Variants in CHFR observed in about 807,000 individuals in gnomAD.
CHFR encodes the protein E3 ubiquitin-protein ligase CHFR.
A neutral mutation model predicts 87.6 loss-of-function variants in CHFR; 57 were observed. That is an observed-to-expected ratio of 0.65 (90% confidence interval 0.53 to 0.81). The LOEUF (loss-of-function observed/expected upper bound fraction) is 0.81, where lower values mean the gene tolerates loss of function less well. Among genes scored for constraint, CHFR ranks in the 30% least tolerant of loss-of-function variants. The pLI is 0.00. For synonymous variants in CHFR, 381 were observed against 359.2 expected, an observed-to-expected ratio of 1.06 and a Z score of -0.69; for missense variants, 797 against 865.8, an observed-to-expected ratio of 0.92 and a Z score of 1.00.
At chr12:132,875,500 G>A (rs1420382493) in intron 3 of CHFR, among the ~76,000 whole-genome samples, 2 of 152,140 alleles carry the variant, frequency 1.3e-5, no homozygotes, top group African/African-American at 2.4e-5. Flanking sequence ...GCGGGCACCT[G>A]TAATCCCAGC....
At chr12:132,856,172 G>C (rs1451321662) in intron 10 of CHFR, among the ~76,000 whole-genome samples, 1 of 152,250 alleles carries the variant, frequency 6.6e-6, no homozygotes, top group South Asian at 2.1e-4. Context: ...TCGAAGCAAA[G>C]GGAAGGGTGT....
intron 2 of CHFR, among the ~76,000 whole-genome samples, chr12:132,885,419 T>TATAAATAAATAA (rs141735852): frequency 1.2e-4 from 18 of 146,622 alleles, no homozygotes; most frequent in South Asian, 6.5e-4. Context: ...TCAAAAAATA[T>TATAAATAAATAA]ATAAATAAAT....
intron 11 of CHFR, 140 bp from the exon 12 acceptor site, chr12:132,851,877 A>T (rs1490828143): frequency 4.1e-6 from 4 of 971,950 alleles, no homozygotes; most frequent in African/African-American, 1.7e-5. Flanking sequence ...CTGCTAAACC[A>T]CCGGGGACCT....
chr12:132,873,745 G>A (rs11147128), intron 3 of CHFR, among the ~76,000 whole-genome samples: 21,972 of 149,718 alleles, frequency 0.15, 1,889 homozygotes, highest in South Asian at 0.22. Flanking sequence ...GCTAGAGTGT[G>A]CACGGACTTG....
At chr12:132,847,662 A>C (rs754094845) in intron 14 of CHFR, 22 of 1,095,386 alleles carry the variant, frequency 2.0e-5, no homozygotes, top group Non-Finnish European at 2.3e-5. Flanking sequence ...CGCATGTTAA[A>C]CATATGTAAA....
rs1206923715 is a variant in CHFR, at chr12:132,840,890, G to T, written c.*664C>A. 6.6e-6 allele frequency: 1 copy of T among 152,454 alleles called. No individual in the cohort carries two copies. Among genetic ancestry groups the T allele is most frequent in the Non-Finnish European group, 1.5e-5 (1 of 68,056 alleles). 9.4% of individuals were successfully genotyped at this position (152,454 alleles called of 1,614,324 possible). The stretch of plus-strand genomic sequence containing the variant: ...GACTAACTTGGCGGCCACGTCGAGG[G>T]TTAGCAGTTTTGGACATTGGAAGGT... On this transcript the variant is annotated 3_prime_UTR_variant, in exon 18 of 18. Transcript: ENST00000450056.
At chr12:132,886,205 C>G (rs191998331) in intron 2 of CHFR, among the ~76,000 whole-genome samples, 1 of 151,880 alleles carries the variant, frequency 6.6e-6, no homozygotes, top group Non-Finnish European at 1.5e-5. Context: ...CCAGCTACTC[C>G]GAGGCTGAGG....
At position 132,841,351 on chromosome 12, in the gene CHFR, C is replaced by T. The variant is rs916367947; in HGVS notation, c.*203G>A. ...CCCTGCCCAGCGCTCACCAGGAGGGCGGGCTGCGGCCCCCGGGGCTCTGGG... is the reference window on the plus strand; with the variant it reads ...CCCTGCCCAGCGCTCACCAGGAGGGTGGGCTGCGGCCCCCGGGGCTCTGGG... On this transcript the variant is annotated 3_prime_UTR_variant, in exon 18 of 18. Transcript: ENST00000450056. 18 of 568,568 alleles carry T rather than the reference C, an allele frequency of 3.2e-5. No homozygotes were observed. The highest frequency in any genetic ancestry group is 1.7e-4 in the African/African-American group (9 of 52,876). The allele number at this position is 568,568 out of a possible 1,614,324, so 35.2% of individuals were successfully genotyped here. A position where few individuals can be genotyped will look rare whatever the true frequency, so the allele number is the denominator to read the frequency against.
At chr12:132,850,198 C>T (rs1950909998) in intron 12 of CHFR, among the ~76,000 whole-genome samples, 1 of 152,088 alleles carries the variant, frequency 6.6e-6, no homozygotes, top group Admixed American at 6.6e-5. Flanking sequence ...CGTGATCCAC[C>T]CACCTCAGCC....
intron 8 of CHFR, 32 bp from the exon 9 acceptor site, chr12:132,857,591 G>C: frequency 6.2e-7 from 1 of 1,606,430 alleles, no homozygotes; most frequent in Non-Finnish European, 8.5e-7. Flanking sequence ...TGTCCAGACA[G>C]TCCCACAGAT....
Position 132,840,166 on chromosome 12 carries a change from G to GT in CHFR, c.*1387dup, listed in dbSNP as rs1208309050. 1.3e-5 allele frequency: 2 copies of GT among 152,556 alleles called. No homozygotes were observed. The highest frequency in any genetic ancestry group is 4.8e-5 in the African/African-American group (2 of 41,464). The allele number at this position is 152,556 out of a possible 1,614,324, so 9.5% of individuals were successfully genotyped here. A position where few individuals can be genotyped will look rare whatever the true frequency, so the allele number is the denominator to read the frequency against. Reference sequence around the variant, plus strand: ...CAAAGCCTCCACACTGGATGAACAGGTTGTGGCTTCCCAGCATTGGCAGAA... The same window carrying GT: ...CAAAGCCTCCACACTGGATGAACAGGTTTGTGGCTTCCCAGCATTGGCAGAA... On this transcript the variant is annotated 3_prime_UTR_variant, in exon 18 of 18. Coordinates refer to ENST00000450056, the MANE Select transcript of CHFR (RefSeq NM_001161346.2).
At position 132,844,136 on chromosome 12, in the gene CHFR, T is replaced by TG. The variant is rs1950758557; in HGVS notation, c.1736-3dup. On this transcript the variant is annotated splice_polypyrimidine_tract_variant and splice_region_variant and intron_variant, in intron 15 of 17. Coordinates refer to ENST00000450056, the MANE Select transcript of CHFR (RefSeq NM_001161346.2). ...CGGTGTCTCCCGTGACTCTGTAATC[T>TG]GGAAGAAACACAGCCAGTTACCCAG... 1 of 1,603,416 alleles carries TG rather than the reference T, an allele frequency of 6.2e-7. No individual in the cohort carries two copies.
intron 6 of CHFR, chr12:132,866,521 A>AATGTTACAACACACCGG (rs1265946582): frequency 6.6e-6 from 1 of 152,210 alleles, no homozygotes; most frequent in Non-Finnish European, 1.5e-5. Context: ...AACACACTGG[A>AATGTTACAACACACCGG]ATGTTACAAC....
intron 7 of CHFR, among the ~76,000 whole-genome samples, chr12:132,859,585 C>T (rs1005666333): frequency 1.3e-5 from 2 of 152,130 alleles, no homozygotes; most frequent in African/African-American, 2.4e-5. Flanking sequence ...CTCCTGACCT[C>T]GTGATCCACC....
intron 2 of CHFR, among the ~76,000 whole-genome samples, chr12:132,880,018 A>G (rs1951731097): frequency 1.3e-5 from 2 of 152,336 alleles, no homozygotes; most frequent in South Asian, 2.1e-4. Context: ...CATACATTCA[A>G]TGCAATTCCA....
Position 132,856,505 on chromosome 12 carries a change from C to T in CHFR, c.1192G>A (p.Glu398Lys). 1 of 1,614,210 alleles carries T rather than the reference C, an allele frequency of 6.2e-7. No homozygotes were observed. ...GACTCACTGTCAACGTCTGACAGCT[C>T]CAGCAGGTCCTCTGAACTCCCTTCT... ...DEEGSSEDLL[E>K]LSDVDSESSD... The change falls in exon 10 of 18, where the codon GAG (glutamate) becomes AAG (lysine). Residue 398 changes from glutamate to lysine, a missense_variant. This residue lies in a region of CHFR where 597 missense variants were observed against 601.2 expected (regional missense o/e 0.99). Transcript: ENST00000450056.
intron 2 of CHFR, 106 bp from the exon 3 acceptor site, chr12:132,877,760 T>A: frequency 1.7e-6 from 1 of 579,342 alleles, no homozygotes; most frequent in South Asian, 3.0e-5. Context: ...ATCCCCATTG[T>A]ACATATGTAA....
chr12:132,858,725 TAAAAAAAAAAAAAA>T (rs60137048), intron 8 of CHFR, among the ~76,000 whole-genome samples: 1 of 26,788 alleles, frequency 3.7e-5, no homozygotes, highest in Non-Finnish European at 5.7e-5. Flanking sequence ...AGACTCCATC[TAAAAAAAAAAAAAA>T]AAAAAAAAAA....
At chr12:132,867,914 A>G (rs1020011189) in intron 6 of CHFR, 1 of 152,110 alleles carries the variant, frequency 6.6e-6, no homozygotes, top group African/African-American at 2.4e-5. Flanking sequence ...AAACTGGAAA[A>G]GCTAATTCAA....
Sources: allele counts gnomAD v4.1 joint callset (sites outside exome capture counted in the v4.1 genomes callset), GRCh38; gene constraint gnomAD v4.1.1; regional missense constraint gnomAD v4.1.1; transcripts MANE v1.5; gene names NCBI Gene and HGNC (gene_info 2026-07-23, HGNC 2026-07-21).